PLXNA4: variants seen among roughly 807,000 people sequenced by gnomAD.
PLXNA4 encodes the protein plexin A4, also known as plexin-A4.
PLXNA4 carries 44 observed loss-of-function variants against 191.8 expected under a neutral mutation model. The observed-to-expected ratio is 0.23, with a 90% CI of 0.18 to 0.29. PLXNA4 has a LOEUF of 0.29. Ranked by LOEUF, PLXNA4 falls within the 10% of genes least tolerant of loss-of-function variation. The probability of loss-of-function intolerance (pLI) is 1.00; values close to 1 mark genes in which losing one functional copy is unlikely to be tolerated. For synonymous variants in PLXNA4, 1,082 were observed against 1,009.5 expected (o/e 1.07, Z -1.36); for missense variants, 1,800 against 2,488.8 (o/e 0.72, Z 5.89).
intron 3 of PLXNA4, among the ~76,000 whole-genome samples, chr7:132,304,090 G>A (rs1801418956): frequency 6.6e-6 from 1 of 152,180 alleles, no homozygotes. Flanking sequence ...TCAGTAGGAA[G>A]GCTGATCTGA....
At chr7:132,324,862 T>C (rs1305342258) in intron 3 of PLXNA4, among the ~76,000 whole-genome samples, 1 of 152,146 alleles carries the variant, frequency 6.6e-6, no homozygotes, top group African/African-American at 2.4e-5. Flanking sequence ...AGTATAAGCA[T>C]TGCAGGTGAC....
chr7:132,546,426 A>ATT (rs543453497), intron 1 of PLXNA4, among the ~76,000 whole-genome samples: 1 of 152,138 alleles, frequency 6.6e-6, no homozygotes, highest in African/African-American at 2.4e-5. Context: ...CACCAGTAAA[A>ATT]TTTTTTTAAG....
chr7:132,548,328 T>G (rs1800396930), intron 1 of PLXNA4, among the ~76,000 whole-genome samples: 1 of 152,214 alleles, frequency 6.6e-6, no homozygotes, highest in East Asian at 1.9e-4. Flanking sequence ...GATAAGCAGA[T>G]GAGGCTAGGG....
At chr7:132,644,219 C>T (rs901020113) in intron 2 of PLXNA4, among the ~76,000 whole-genome samples, 1 of 152,200 alleles carries the variant, frequency 6.6e-6, no homozygotes, top group Admixed American at 6.5e-5. Flanking sequence ...TTAACCTCCT[C>T]TCATGGTACA....
intron 2 of PLXNA4, among the ~76,000 whole-genome samples, chr7:132,505,187 A>T (rs57171353): frequency 6.6e-6 from 1 of 152,116 alleles, no homozygotes; most frequent in Non-Finnish European, 1.5e-5. Flanking sequence ...ATCTTGCTCC[A>T]TTACTCCCCG....
rs55684832 is a variant in PLXNA4, at chr7:132,408,448, C to CTTTATTTATTTATTTATTTA, written c.1371+80824_1371+80843dup. Among the ~76,000 whole-genome samples, 1,277 of 149,484 alleles carry CTTTATTTATTTATTTATTTA rather than the reference C, an allele frequency of 8.5e-3. 20 individuals are homozygous for CTTTATTTATTTATTTATTTA. Among genetic ancestry groups the CTTTATTTATTTATTTATTTA allele is most frequent in the African/African-American group, 0.027 (1,065 of 39,796 alleles). The stretch of plus-strand genomic sequence containing the variant: ...TTTTTTAGCTTTGAACACAAAAACA[C>CTTTATTTATTTATTTATTTA]TTTATTTATTTATTTATTTATTTAT... On this transcript the variant is annotated intron_variant, in intron 3 of 31. Coordinates refer to ENST00000321063, the MANE Select transcript of PLXNA4 (RefSeq NM_020911.2).
chr7:132,430,270 T>A (rs535806770), intron 3 of PLXNA4, among the ~76,000 whole-genome samples: 1 of 152,146 alleles, frequency 6.6e-6, no homozygotes, highest in Non-Finnish European at 1.5e-5. Context: ...CAAGTCTCTA[T>A]GCGGTTAGTA....
At chr7:132,360,227 C>T (rs1312334471) in intron 3 of PLXNA4, among the ~76,000 whole-genome samples, 6 of 152,172 alleles carry the variant, frequency 3.9e-5, no homozygotes, top group Non-Finnish European at 5.9e-5. Flanking sequence ...CTAAGAAACA[C>T]GGTCTCAGAG....
chr7:132,637,060 G>C (rs1223204051), intron 2 of PLXNA4, among the ~76,000 whole-genome samples: 1 of 152,186 alleles, frequency 6.6e-6, no homozygotes, highest in Non-Finnish European at 1.5e-5. Flanking sequence ...ACAAGGATGA[G>C]AGAGAGGGAA....
intron 3 of PLXNA4, among the ~76,000 whole-genome samples, chr7:132,375,412 T>C (rs1055511594): frequency 1.3e-5 from 2 of 151,914 alleles, no homozygotes; most frequent in Admixed American, 1.3e-4. Flanking sequence ...TAATGCCACA[T>C]GGACTTGGCT....
chr7:132,374,597 G>A (rs1031720480), intron 3 of PLXNA4, among the ~76,000 whole-genome samples: 3 of 152,148 alleles, frequency 2.0e-5, no homozygotes, highest in Admixed American at 2.0e-4. Context: ...CCCAGGAGCT[G>A]GTGTAGGTTC....
At chr7:132,320,997 C>T (rs1313594982) in intron 3 of PLXNA4, among the ~76,000 whole-genome samples, 1 of 152,206 alleles carries the variant, frequency 6.6e-6, no homozygotes, top group Non-Finnish European at 1.5e-5. Context: ...CCCTGTTTTT[C>T]TGCCCTCCGG....
chr7:132,481,430 C>A (rs1298583900), intron 3 of PLXNA4, among the ~76,000 whole-genome samples: 1 of 152,054 alleles, frequency 6.6e-6, no homozygotes. Context: ...CCAGGACAAC[C>A]TCGGATTAGA....
intron 3 of PLXNA4, chr7:132,484,626 A>T: frequency 2.0e-6 from 2 of 994,044 alleles, no homozygotes; most frequent in Non-Finnish European, 2.9e-6. Flanking sequence ...CATATAGCAC[A>T]ACAGAACTAC....
chr7:132,530,005 C>A (rs1799564552), intron 1 of PLXNA4, among the ~76,000 whole-genome samples: 2 of 152,162 alleles, frequency 1.3e-5, no homozygotes, highest in South Asian at 4.1e-4. Flanking sequence ...GGTTCAAAAT[C>A]ACGCATCTGC....
intron 30 of PLXNA4, among the ~76,000 whole-genome samples, chr7:132,134,171 G>C (rs140484485): frequency 6.6e-6 from 1 of 152,322 alleles, no homozygotes; most frequent in East Asian, 1.9e-4. Context: ...GGTTGTGCAA[G>C]TATTGGTGAC....
At chr7:132,497,775 C>T (rs1037545962) in intron 2 of PLXNA4, among the ~76,000 whole-genome samples, 1 of 152,072 alleles carries the variant, frequency 6.6e-6, no homozygotes, top group African/African-American at 2.4e-5. Flanking sequence ...GAAAGTTGAC[C>T]CCTGCACCCT....
At chr7:132,573,417 C>T (rs1274288437) in intron 1 of PLXNA4, among the ~76,000 whole-genome samples, 3 of 152,138 alleles carry the variant, frequency 2.0e-5, no homozygotes, top group Non-Finnish European at 4.4e-5. Context: ...AGATCCACAG[C>T]GATTTCTCTG....
chr7:132,151,409 AAGGAGGAGGAGGAGGAGGAGGAAGG>A (rs1562885125), intron 25 of PLXNA4, among the ~76,000 whole-genome samples: 31 of 3,000 alleles, frequency 0.01, no homozygotes, highest in African/African-American at 0.019. Context: ...GAGGAGGAGG[AAGGAGGAGGAGGAGGAGGAGGAAGG>A]AGGAGGAGGA....
Sources: allele counts gnomAD v4.1 joint callset (sites outside exome capture counted in the v4.1 genomes callset), GRCh38; gene constraint gnomAD v4.1.1; transcripts MANE v1.5; gene names NCBI Gene and HGNC (gene_info 2026-07-23, HGNC 2026-07-21).